The following PIGN variants were observed in gnomAD, a reference collection of about 807,000 sequenced individuals.
PIGN encodes GPI ethanolamine phosphate transferase 1.
In PIGN, 117 loss-of-function variants were observed where a neutral mutation model predicts 125.4. The ratio of observed to expected loss-of-function variants is 0.93; its 90% CI spans 0.80 to 1.09. The LOEUF is 1.09. PIGN is among the 50% of genes least tolerant of loss of function. PIGN has a pLI of 0.00. For missense variants in PIGN, 1,075 were observed against 1,094.9 expected (o/e 0.98, Z 0.26); for synonymous variants, 392 against 377.8 (o/e 1.04, Z -0.44).
intron 20 of PIGN, chr18:62,103,919 G>A (rs917351368): frequency 6.6e-6 from 1 of 151,966 alleles, no homozygotes; most frequent in African/African-American, 2.4e-5. Context: ...AAATAATTTG[G>A]TATCTAAACT....
chr18:62,099,603 G>C (rs2034356632), intron 22 of PIGN, among the ~76,000 whole-genome samples: 1 of 152,068 alleles, frequency 6.6e-6, no homozygotes, highest in African/African-American at 2.4e-5. Flanking sequence ...CATGGTACTG[G>C]CATAGAAACA....
chr18:62,099,044 T>C (rs1345654793), intron 22 of PIGN, among the ~76,000 whole-genome samples: 1 of 152,066 alleles, frequency 6.6e-6, no homozygotes, highest in African/African-American at 2.4e-5. Context: ...AGAGCACACC[T>C]ACACATTATG....
chr18:62,155,629 G>C (rs2036702240), intron 6 of PIGN, among the ~76,000 whole-genome samples: 1 of 152,130 alleles, frequency 6.6e-6, no homozygotes, highest in Admixed American at 6.5e-5. Context: ...TATAGCACCA[G>C]TTCAGCTCTA....
At chr18:62,090,609 G>T in intron 23 of PIGN, 31 bp from the exon 24 acceptor site, 1 of 1,291,574 alleles carries the variant, frequency 7.7e-7, no homozygotes, top group Non-Finnish European at 1.1e-6. Context: ...GAAATGAAAA[G>T]AAAAAAACAG....
intron 23 of PIGN, among the ~76,000 whole-genome samples, chr18:62,022,991 G>A (rs561489862): frequency 6.6e-6 from 1 of 152,240 alleles, no homozygotes; most frequent in East Asian, 1.9e-4. Flanking sequence ...GTAAATAGAT[G>A]TTCTACTGTA....
intron 1 of PIGN, among the ~76,000 whole-genome samples, chr18:62,166,205 A>C (rs2037128969): frequency 1.3e-5 from 2 of 152,176 alleles, no homozygotes; most frequent in Non-Finnish European, 1.5e-5. Context: ...CTGAAAGTCT[A>C]GCAGCCAGAG....
chr18:62,064,980 A>G (rs17069412), intron 30 of PIGN, among the ~76,000 whole-genome samples: 1,912 of 152,310 alleles, frequency 0.013, 46 homozygotes, highest in African/African-American at 0.044. Context: ...AACAAGCAAC[A>G]TTAAAGATTG....
chr18:62,085,315 C>A, intron 25 of PIGN, 51 bp from the exon 26 acceptor site: 1 of 1,241,178 alleles, frequency 8.1e-7, no homozygotes, highest in South Asian at 1.3e-5. Flanking sequence ...ATACAAATTT[C>A]CTTTTCATTT....
chr18:62,108,541 T>C (rs1481675207), intron 17 of PIGN, among the ~76,000 whole-genome samples: 1 of 152,082 alleles, frequency 6.6e-6, no homozygotes, highest in African/African-American at 2.4e-5. Context: ...TTTTGCCTTA[T>C]AGTTAATATT....
intron 23 of PIGN, among the ~76,000 whole-genome samples, chr18:62,027,700 T>C (rs79442138): frequency 0.03 from 4,573 of 152,262 alleles, 77 homozygotes; most frequent in East Asian, 0.074. Flanking sequence ...TAGTTTGACA[T>C]TTAGCTTAGC....
intron 1 of PIGN, among the ~76,000 whole-genome samples, chr18:62,168,357 C>T (rs117141735): frequency 6.6e-6 from 1 of 152,118 alleles, no homozygotes; most frequent in African/African-American, 2.4e-5. Flanking sequence ...GGTACAGACA[C>T]CTGTATACCC....
chr18:62,154,849 T>C (rs1448229963), intron 6 of PIGN, among the ~76,000 whole-genome samples, 198 bp from the exon 7 acceptor site: 1 of 152,222 alleles, frequency 6.6e-6, no homozygotes, highest in Non-Finnish European at 1.5e-5. Flanking sequence ...CTACATACTT[T>C]AATGTATTCT....
chr18:62,103,654 T>C (rs1036989844), intron 20 of PIGN: 3 of 151,646 alleles, frequency 2.0e-5, no homozygotes, highest in East Asian at 3.9e-4. Context: ...AGAACCCAAA[T>C]AGAACTAAGA....
chr18:62,134,436 A>C (rs549075687), intron 14 of PIGN, among the ~76,000 whole-genome samples: 1 of 152,228 alleles, frequency 6.6e-6, no homozygotes, highest in South Asian at 2.1e-4. Flanking sequence ...ACCTCTGACG[A>C]ATTCAACTAA....
intron 1 of PIGN, among the ~76,000 whole-genome samples, chr18:62,183,855 A>AC (rs1854294864): frequency 6.6e-6 from 1 of 152,020 alleles, no homozygotes; most frequent in Admixed American, 6.5e-5. Flanking sequence ...AAAAAAAAAA[A>AC]ACTAAACCTT....
intron 26 of PIGN, 81 bp from the exon 27 acceptor site, chr18:62,084,687 A>G (rs2033608607): frequency 2.2e-6 from 2 of 917,618 alleles, no homozygotes; most frequent in African/African-American, 1.7e-5. Context: ...AGATGTTTAA[A>G]CTAATTCTCT....
intron 23 of PIGN, among the ~76,000 whole-genome samples, chr18:62,092,973 GCCTAACACTGTAAAAT>G (rs2034030239): frequency 6.6e-6 from 1 of 151,876 alleles, no homozygotes; most frequent in Non-Finnish European, 1.5e-5. Flanking sequence ...TTTTGTAATT[GCCTAACACTGTAAAAT>G]ATAGTTCTTA....
chr18:62,095,190 T>C (rs543873919), intron 23 of PIGN, among the ~76,000 whole-genome samples: 25 of 152,326 alleles, frequency 1.6e-4, no homozygotes, highest in Admixed American at 8.5e-4. Context: ...TGTTATAATG[T>C]ACACATTTCT....
intron 11 of PIGN, among the ~76,000 whole-genome samples, chr18:62,141,405 T>C (rs889380422): frequency 6.6e-6 from 1 of 152,264 alleles, no homozygotes; most frequent in Non-Finnish European, 1.5e-5. Flanking sequence ...CAGTATGGCA[T>C]AGGCCACTCC....
Sources: gnomAD v4.1 joint callset for allele counts (sites outside exome capture counted in the v4.1 genomes callset) on GRCh38, gnomAD v4.1.1 for gene constraint, MANE v1.5 for transcripts, NCBI Gene and HGNC (gene_info 2026-07-23, HGNC 2026-07-21) for gene names.